Variants in SLC4A10 observed in about 807,000 individuals in gnomAD.
The protein encoded by SLC4A10 is solute carrier family 4 member 10, also known as sodium-driven chloride bicarbonate exchanger.
Under a neutral mutation model 137.7 loss-of-function variants are expected in SLC4A10, and 42 were observed. The ratio of observed to expected loss-of-function variants is 0.30; its 90% confidence interval spans 0.24 to 0.39. The LOEUF (loss-of-function observed/expected upper bound fraction) is 0.39. Ranked by LOEUF, SLC4A10 falls within the 10% of genes least tolerant of loss-of-function variation. The pLI is 1.00. For missense variants in SLC4A10, 925 were observed against 1,355.0 expected (o/e 0.68, Z 4.98); for synonymous variants, 474 against 464.1 (o/e 1.02, Z -0.27).
intron 15 of SLC4A10, among the ~76,000 whole-genome samples, chr2:161,940,808 C>G (rs1431310321): frequency 6.6e-6 from 1 of 152,124 alleles, no homozygotes; most frequent in Non-Finnish European, 1.5e-5. Flanking sequence ...AAACCTCAAG[C>G]ACTGACCACA....
chr2:161,882,517 A>ACAACAAAC, intron 10 of SLC4A10, 73 bp downstream of exon 10: 3 of 883,080 alleles, frequency 3.4e-6, no homozygotes, highest in Non-Finnish European at 5.1e-6. Context: ...TCCTCTTTTC[A>ACAACAAAC]TGACAGTTTG....
intron 17 of SLC4A10, among the ~76,000 whole-genome samples, chr2:161,948,252 G>T (rs1235600700): frequency 1.3e-5 from 2 of 151,872 alleles, no homozygotes; most frequent in African/African-American, 4.8e-5. Context: ...TATAATGTCT[G>T]ATTCCGCCAA....
At chr2:161,684,218 T>C (rs2041159310) in intron 1 of SLC4A10, among the ~76,000 whole-genome samples, 1 of 152,212 alleles carries the variant, frequency 6.6e-6, no homozygotes, top group African/African-American at 2.4e-5. Flanking sequence ...GTATCAGAAT[T>C]TCATTTCTTT....
At chr2:161,753,855 G>GTTATTTAT (rs151205439) in intron 1 of SLC4A10, among the ~76,000 whole-genome samples, 11,840 of 134,628 alleles carry the variant, frequency 0.088, 651 homozygotes, top group Non-Finnish European at 0.1. Flanking sequence ...AATAACTCGA[G>GTTATTTAT]TTATTTATTT....
At chr2:161,974,143 G>T (rs1575949335) in intron 23 of SLC4A10, 106 bp from the exon 24 acceptor site, 3 of 833,410 alleles carry the variant, frequency 3.6e-6, no homozygotes, top group East Asian at 5.5e-5. Flanking sequence ...CAGAGTGGAA[G>T]GTCTTGAGGT....
chr2:161,810,507 A>T (rs2056438381), intron 3 of SLC4A10, among the ~76,000 whole-genome samples: 1 of 152,052 alleles, frequency 6.6e-6, no homozygotes. Context: ...TGTGTTTTTC[A>T]TAGATGGCTC....
chr2:161,911,506 C>T (rs958727139), intron 15 of SLC4A10, among the ~76,000 whole-genome samples: 2 of 151,956 alleles, frequency 1.3e-5, no homozygotes, highest in African/African-American at 2.4e-5. Flanking sequence ...CAAAAAATAG[C>T]GAATAAAACA....
At chr2:161,743,799 C>T (rs895594803) in intron 1 of SLC4A10, among the ~76,000 whole-genome samples, 3 of 151,944 alleles carry the variant, frequency 2.0e-5, no homozygotes, top group African/African-American at 7.2e-5. Flanking sequence ...TGTGTGTGTC[C>T]TCTTCAATTT....
intron 1 of SLC4A10, among the ~76,000 whole-genome samples, chr2:161,717,100 T>C (rs1428593675): frequency 6.6e-6 from 1 of 152,172 alleles, no homozygotes; most frequent in Non-Finnish European, 1.5e-5. Flanking sequence ...TTTATGCTTG[T>C]CTGTTGTTGG....
chr2:161,692,814 G>A (rs1000469865), intron 1 of SLC4A10, among the ~76,000 whole-genome samples: 1 of 151,930 alleles, frequency 6.6e-6, no homozygotes, highest in Non-Finnish European at 1.5e-5. Flanking sequence ...GTCCAAGTTC[G>A]ATGCTACATT....
intron 2 of SLC4A10, among the ~76,000 whole-genome samples, chr2:161,793,628 C>T (rs1321652478): frequency 6.6e-6 from 1 of 152,010 alleles, no homozygotes; most frequent in Non-Finnish European, 1.5e-5. Context: ...CTTCTTAATG[C>T]GTTTCAGGTG....
At chr2:161,773,392 ATCC>A (rs1169472847) in intron 2 of SLC4A10, among the ~76,000 whole-genome samples, 1 of 151,936 alleles carries the variant, frequency 6.6e-6, no homozygotes, top group Non-Finnish European at 1.5e-5. Context: ...AAATTGTAGT[ATCC>A]TCCTTTTTTG....
rs1362558929 is a variant in SLC4A10 at position 161,894,837 on chromosome 2, T to C, written c.1341+12T>C. On this transcript the variant is annotated intron_variant, in intron 11 of 26. Coordinates refer to ENST00000446997, the MANE Select transcript of SLC4A10 (RefSeq NM_001178015.2). ...ATGTTCCTTCCCAGGTATGTATATT[T>C]GAAGACATTCTTTGAAATTGAATTT... is the stretch of plus-strand genomic sequence containing the variant. 1 of 1,336,478 alleles carries C rather than the reference T, an allele frequency of 7.5e-7. No individual in the cohort carries two copies. Among genetic ancestry groups the C allele is most frequent in the Non-Finnish European group, 9.7e-7 (1 of 1,032,282 alleles). 82.8% of individuals were successfully genotyped at this position (1,336,478 alleles called of 1,614,324 possible). A position where few individuals can be genotyped will look rare whatever the true frequency, so the allele number is the denominator to read the frequency against.
intron 1 of SLC4A10, chr2:161,708,678 A>G: frequency 3.3e-6 from 5 of 1,503,212 alleles, no homozygotes; most frequent in South Asian, 1.3e-5. Flanking sequence ...CTGTTGTTTG[A>G]TATTTTTTTC....
At chr2:161,703,092 C>T (rs955262419) in intron 1 of SLC4A10, among the ~76,000 whole-genome samples, 2 of 151,504 alleles carry the variant, frequency 1.3e-5, no homozygotes, top group African/African-American at 2.4e-5. Flanking sequence ...ATAGATATAA[C>T]CCTTCTGGAG....
intron 10 of SLC4A10, 36 bp downstream of exon 10, chr2:161,882,480 A>G (rs2061875515): frequency 7.0e-7 from 1 of 1,432,724 alleles, no homozygotes; most frequent in Non-Finnish European, 9.5e-7. Flanking sequence ...ATTTTCCCCC[A>G]TTAGGTATAC....
Position 161,912,278 on chromosome 2 carries a change from A to T in SLC4A10, c.1997+6391A>T, listed in dbSNP as rs1462011456. The stretch of plus-strand genomic sequence containing the variant: ...TAAAAAGGCAGCTATTTACATAAGA[A>T]CTCAATATCAGAGGGCGAGTGCTAA... On this transcript the variant is annotated intron_variant, in intron 15 of 26. Transcript: ENST00000446997. Among the ~76,000 whole-genome samples, 3 of 152,194 alleles carry T rather than the reference A, an allele frequency of 2.0e-5. No individual in the cohort carries two copies. In the South Asian group the frequency reaches 6.2e-4, roughly 32 times the overall value.
chr2:161,782,287 G>A (rs1260728624), intron 2 of SLC4A10, among the ~76,000 whole-genome samples: 1 of 151,948 alleles, frequency 6.6e-6, no homozygotes, highest in Non-Finnish European at 1.5e-5. Flanking sequence ...AGACACCTGG[G>A]GCTACAAGAA....
intron 1 of SLC4A10, among the ~76,000 whole-genome samples, chr2:161,664,842 A>G (rs1574208573): frequency 6.6e-6 from 1 of 151,726 alleles, no homozygotes; most frequent in Admixed American, 6.6e-5. Flanking sequence ...CCTTATTTAT[A>G]TATACACATG....
Sources: gnomAD v4.1 joint callset for allele counts (sites outside exome capture counted in the v4.1 genomes callset) on GRCh38, gnomAD v4.1.1 for gene constraint, MANE v1.5 for transcripts, NCBI Gene and HGNC (gene_info 2026-07-23, HGNC 2026-07-21) for gene names.